AMOTL2: variants seen among roughly 807,000 people sequenced by gnomAD.
AMOTL2 encodes the protein angiomotin like 2.
AMOTL2 carries 33 observed loss-of-function variants against 78.4 expected under a neutral mutation model. The ratio of observed to expected loss-of-function variants is 0.42; its 90% CI spans 0.32 to 0.56. AMOTL2 has a LOEUF of 0.56. Ranked by LOEUF, AMOTL2 falls within the 20% of genes least tolerant of loss-of-function variation. The pLI is 0.12. For missense variants in AMOTL2, 983 were observed against 1,030.1 expected (o/e 0.95, Z 0.63); for synonymous variants, 422 against 428.8 (o/e 0.98, Z 0.20).
chr3:134,375,061 T>G, upstream of AMOTL2: 2 of 1,463,338 alleles, frequency 1.4e-6, no homozygotes, highest in Non-Finnish European at 1.8e-6. Flanking sequence ...ACCCCCGCTG[T>G]TTTCACCCCC....
chr3:134,361,043 G>A lies in AMOTL2; in HGVS notation c.1575+469C>T, dbSNP rs138881405. On this transcript the variant is annotated intron_variant, in intron 6 of 9. Transcript: ENST00000249883. Reference sequence around the variant, plus strand: ...ACAAAAATTAGCTGGGCGTGGTGGCGCACGCCTGTAGTCTCAGCTACTCGG... The same window carrying A: ...ACAAAAATTAGCTGGGCGTGGTGGCACACGCCTGTAGTCTCAGCTACTCGG... Among the ~76,000 whole-genome samples, 414 of 152,230 alleles carry A rather than the reference G, an allele frequency of 2.7e-3. 1 individual carries two copies. Among genetic ancestry groups the A allele is most frequent in the Non-Finnish European group, 4.8e-3 (325 of 67,994 alleles).
chr3:134,364,088 C>T (rs1162666571), intron 5 of AMOTL2, among the ~76,000 whole-genome samples: 3 of 152,118 alleles, frequency 2.0e-5, no homozygotes, highest in African/African-American at 4.8e-5. Flanking sequence ...CGACGGGACC[C>T]GGGATGCGCC....
In AMOTL2 at chr3:134,371,094, A is replaced by G. The variant is rs748026463; in HGVS notation, c.340T>C (p.Ser114Pro). The G allele has an allele frequency of 6.2e-7, 1 of 1,612,598 alleles. No homozygotes were observed. Residue 114 changes from serine (S) to proline (P), a missense_variant, in exon 2 of 10, where the codon TCG becomes CCG. Physicochemically the swap from Ser to Pro is moderately conservative, Grantham distance 74. Coordinates refer to ENST00000249883, the MANE Select transcript of AMOTL2 (RefSeq NM_016201.4). The part of the protein sequence containing the change: ...LPTYEEAKAH[S>P]QYYAAQQAGT... Reference sequence around the variant, plus strand: ...GCCTGCTGGGCCGCATAGTACTGCGAGTGGGCTTTGGCCTCCTCATAGGTG... The same window carrying G: ...GCCTGCTGGGCCGCATAGTACTGCGGGTGGGCTTTGGCCTCCTCATAGGTG...
chr3:134,375,280 G>T (rs1576592765), upstream of AMOTL2: 1 of 1,525,628 alleles, frequency 6.6e-7, no homozygotes, highest in Non-Finnish European at 8.8e-7. Context: ...GTGTGCCACC[G>T]CTGGCTTTTC....
chr3:134,365,064 C>A (rs2017544107), intron 5 of AMOTL2, among the ~76,000 whole-genome samples: 1 of 152,108 alleles, frequency 6.6e-6, no homozygotes, highest in South Asian at 2.1e-4. Flanking sequence ...GCCACCGGGG[C>A]TCCTAATCAC....
chr3:134,369,880 T>A lies in AMOTL2; in HGVS notation c.734+820A>T, dbSNP rs566818976. ...GAAGCGTGAGGCAGGGCCTTGTTTC[T>A]AGGAACACTTATTTCTCCAAACTCT... is the stretch of plus-strand genomic sequence containing the variant. On this transcript the variant is annotated intron_variant, in intron 2 of 9. Coordinates refer to ENST00000249883, the MANE Select transcript of AMOTL2 (RefSeq NM_016201.4). Among the ~76,000 whole-genome samples the A allele has an allele frequency of 3.9e-5, 6 of 152,298 alleles. No homozygotes were observed. In the South Asian group the frequency reaches 1.0e-3, roughly 26 times the overall value.
At chr3:134,374,137 A>T in intron 1 of AMOTL2, 2 of 749,928 alleles carry the variant, frequency 2.7e-6, no homozygotes, top group Non-Finnish European at 3.3e-6. Flanking sequence ...AGCCCCGCAA[A>T]GCCCAGCGCG....
Position 134,358,619 on chromosome 3 carries a change from T to G in AMOTL2, c.2205A>C (p.Pro735=), listed in dbSNP as rs774784299. The change falls in exon 9 of 10, where the codon CCA becomes CCC. Residue 735 remains proline, a synonymous_variant. Coordinates refer to ENST00000249883, the MANE Select transcript of AMOTL2 (RefSeq NM_016201.4). ...GTGGCAGGCAGGTGGAGGTGCTGTC[T>G]GGGGGGCCCTCAGTCTGGGTGCTCC... ...RDGSTQTEGP[P]DSTSTCLPPE... 1 of 1,613,856 alleles carries G rather than the reference T, an allele frequency of 6.2e-7. No individual in the cohort carries two copies. The highest frequency in any genetic ancestry group is 8.5e-7 in the Non-Finnish European group (1 of 1,179,910).
rs963609274 is a variant in AMOTL2 at position 134,366,614 on chromosome 3, G to A, written c.1042-187C>T. 2.5e-5 allele frequency: 15 copies of A among 588,378 alleles called. No homozygotes were observed. In the African/African-American group the frequency reaches 2.6e-4, roughly 10 times the overall value. 36.4% of individuals were successfully genotyped at this position (588,378 alleles called of 1,614,324 possible). A position where few individuals can be genotyped will look rare whatever the true frequency, so the allele number is the denominator to read the frequency against. On this transcript the variant is annotated intron_variant, in intron 3 of 9. Coordinates refer to ENST00000249883, the MANE Select transcript of AMOTL2 (RefSeq NM_016201.4). ...CTCCGGAAGTAGAATAGACTGCTGGGACCAGCAAGCAACGGTCCCATCGGC... is the reference window on the plus strand; with the variant it reads ...CTCCGGAAGTAGAATAGACTGCTGGAACCAGCAAGCAACGGTCCCATCGGC...
chr3:134,361,170 CAA>C (rs969648340), intron 6 of AMOTL2, among the ~76,000 whole-genome samples: 2 of 138,966 alleles, frequency 1.4e-5, no homozygotes, highest in African/African-American at 5.2e-5. Flanking sequence ...GATTCCATCT[CAA>C]AAAAAAAAAA....
At chr3:134,366,218 T>C (rs1446196208) in intron 4 of AMOTL2, 65 bp downstream of exon 4, 6 of 1,556,696 alleles carry the variant, frequency 3.9e-6, no homozygotes, top group Admixed American at 2.0e-5. Context: ...AATTTTTCTC[T>C]AGAACAAAAG....
At chr3:134,371,691 G>A (rs1273834012) in intron 1 of AMOTL2, 197 bp from the exon 2 acceptor site, 2 of 832,062 alleles carry the variant, frequency 2.4e-6, no homozygotes, top group Non-Finnish European at 3.4e-6. Flanking sequence ...CCTAATCTCT[G>A]AGCCTCAGTT....
At chr3:134,366,592 C>T (rs1002515827) in intron 3 of AMOTL2, 165 bp from the exon 4 acceptor site, 7 of 673,824 alleles carry the variant, frequency 1.0e-5, no homozygotes, top group African/African-American at 1.8e-5. Flanking sequence ...TTGTAGCCTC[C>T]GGAAGTAGAA....
intron 1 of AMOTL2, 113 bp downstream of exon 1, chr3:134,374,229 C>T (rs1456145703): frequency 3.0e-6 from 3 of 985,302 alleles, no homozygotes; most frequent in African/African-American, 1.7e-5. Flanking sequence ...GACGCTCGAT[C>T]CTCGAGGCTC....
At chr3:134,363,281 A>G (rs1239339830) in intron 5 of AMOTL2, among the ~76,000 whole-genome samples, 2 of 152,154 alleles carry the variant, frequency 1.3e-5, no homozygotes, top group Non-Finnish European at 2.9e-5. Context: ...CCAGGATGGT[A>G]TCATTCTGTG....
At chr3:134,370,036 C>T (rs2017782233) in intron 2 of AMOTL2, among the ~76,000 whole-genome samples, 1 of 152,226 alleles carries the variant, frequency 6.6e-6, no homozygotes, top group South Asian at 2.1e-4. Flanking sequence ...TCCCAGCACA[C>T]TCAGAATCAA....
At chr3:134,372,530 A>AACACACACACACAC (rs58443336) in intron 1 of AMOTL2, among the ~76,000 whole-genome samples, 5,674 of 144,366 alleles carry the variant, frequency 0.039, 155 homozygotes, top group African/African-American at 0.072. Flanking sequence ...TATCCTCCCC[A>AACACACACACACAC]ACACACACAC....
chr3:134,357,288 C>A lies in AMOTL2; in HGVS notation c.*417G>T, dbSNP rs1382380328. The A allele has an allele frequency of 9.5e-6, 2 of 210,722 alleles. No homozygotes were observed. Among genetic ancestry groups the A allele is most frequent in the East Asian group, 2.1e-4 (2 of 9,686 alleles). The allele number at this position is 210,722 out of a possible 1,614,324, so 13.1% of individuals were successfully genotyped here. On this transcript the variant is annotated 3_prime_UTR_variant, in exon 10 of 10. Coordinates refer to ENST00000249883, the MANE Select transcript of AMOTL2 (RefSeq NM_016201.4). ...CTGACTTGATTAGTGAACCAGTCCA[C>A]CTGGTGTCCACGGGCAGCCGTCCGT... is the stretch of plus-strand genomic sequence containing the variant.
At position 134,358,535 on chromosome 3, in the gene AMOTL2, C is replaced by T; in HGVS notation, c.2284+5G>A. ...TAGCACAGAAGTGGGGTCAGGAGGACTTACCCAGAGAGGCTGCTCTCTGGC... is the reference window on the plus strand; with the variant it reads ...TAGCACAGAAGTGGGGTCAGGAGGATTTACCCAGAGAGGCTGCTCTCTGGC... On this transcript the variant is annotated splice_donor_5th_base_variant and intron_variant, in intron 9 of 9. Transcript: ENST00000249883. The T allele has an allele frequency of 6.2e-7, 1 of 1,611,506 alleles. No individual in the cohort carries two copies. Among genetic ancestry groups the T allele is most frequent in the African/African-American group, 1.3e-5 (1 of 74,978 alleles).
Sources: gnomAD v4.1 joint callset for allele counts (sites outside exome capture counted in the v4.1 genomes callset) on GRCh38, gnomAD v4.1.1 for gene constraint, MANE v1.5 for transcripts, NCBI Gene and HGNC (gene_info 2026-07-23, HGNC 2026-07-21) for gene names.